The following TRARG1 variants were observed in gnomAD, a reference collection of about 807,000 sequenced individuals.
TRARG1 encodes the protein trafficking regulator of GLUT4 (SLC2A4) 1 (gene/pseudogene), also known as trafficking regulator of GLUT4 1.
TRARG1 carries 16 observed loss-of-function variants against 13.3 expected under a neutral mutation model. The ratio of observed to expected loss-of-function variants is 1.20; its 90% CI spans 0.81 to 1.83. TRARG1 has a LOEUF of 1.83. TRARG1 is among the 40% of genes most tolerant of loss of function. The pLI is 0.00. For missense variants in TRARG1, 250 were observed against 237.4 expected (o/e 1.05, Z -0.35); for synonymous variants, 113 against 106.2 (o/e 1.06, Z -0.39).
chr17:1,296,451 G>A (rs1251674119), intron 2 of TRARG1, among the ~76,000 whole-genome samples: 11 of 149,828 alleles, frequency 7.3e-5, no homozygotes, highest in South Asian at 2.1e-4. Context: ...CACCTTGGCC[G>A]CCTAAAATGC....
chr17:1,284,751 A>G (rs566063117), intron 1 of TRARG1, among the ~76,000 whole-genome samples: 67 of 150,390 alleles, frequency 4.5e-4, no homozygotes, highest in African/African-American at 1.6e-3. Flanking sequence ...CGCAATCTCA[A>G]CTCACTGCAA....
At chr17:1,286,600 T>A (rs1598190385) in intron 1 of TRARG1, among the ~76,000 whole-genome samples, 7 of 122,450 alleles carry the variant, frequency 5.7e-5, no homozygotes, top group African/African-American at 1.7e-4. Context: ...GCCTGTGGGG[T>A]GTTATTGGCC....
chr17:1,295,128 G>T (rs562885167), intron 1 of TRARG1, among the ~76,000 whole-genome samples: 52 of 152,204 alleles, frequency 3.4e-4, no homozygotes, highest in Non-Finnish European at 6.6e-4. Flanking sequence ...GGGTCCGGGG[G>T]CACCTGGCCT....
Position 1,280,084 on chromosome 17 carries a change from T to G in TRARG1, c.83T>G (p.Ile28Arg), listed in dbSNP as rs1395370433. 1 of 1,613,540 alleles carries G rather than the reference T, an allele frequency of 6.2e-7. No individual in the cohort carries two copies. The highest frequency in any genetic ancestry group is 2.2e-5 in the East Asian group (1 of 44,884). The change falls in exon 1 of 3, where the codon ATA becomes AGA. Residue 28 changes from isoleucine to arginine, a missense_variant. Coordinates refer to ENST00000333813, the MANE Select transcript of TRARG1 (RefSeq NM_172367.3). The stretch of plus-strand genomic sequence containing the variant: ...TTCCTGGACCTGCCGGAGATGGAGA[T>G]ACTCCTCACCAAGGCAGAGAACAAG... ...AAFLDLPEME[I>R]LLTKAENKDD...
rs145491266 is a variant in TRARG1 at position 1,297,852 on chromosome 17, G to A, written c.521-399G>A. On this transcript the variant is annotated intron_variant, in intron 2 of 2. Transcript: ENST00000333813. ...ACTCCTGACCTCAGGTGATCTGCCC[G>A]CCTCTGCCTCCCAAAGTGCTGGGAT... Among the ~76,000 whole-genome samples the A allele has an allele frequency of 5.5e-3, 838 of 152,190 alleles. 4 individuals are homozygous for A. The highest frequency in any genetic ancestry group is 6.1e-3 in the Non-Finnish European group (416 of 68,014).
chr17:1,288,772 C>T (rs1313424757), intron 1 of TRARG1, among the ~76,000 whole-genome samples: 14 of 51,666 alleles, frequency 2.7e-4, no homozygotes, highest in Non-Finnish European at 4.3e-4. Context: ...GGTTCCCCAT[C>T]CCCCACGGGC....
chr17:1,296,170 G>C (rs541541381), intron 2 of TRARG1, among the ~76,000 whole-genome samples: 2 of 152,310 alleles, frequency 1.3e-5, no homozygotes, highest in South Asian at 4.1e-4. Context: ...CATCCAACCA[G>C]GGGAAACATT....
At position 1,283,911 on chromosome 17, in the gene TRARG1, C is replaced by G. The variant is rs564207894; in HGVS notation, c.387+3523C>G. Among the ~76,000 whole-genome samples, 780 of 151,990 alleles carry G rather than the reference C, an allele frequency of 5.1e-3. 4 individuals are homozygous for G. Among genetic ancestry groups the G allele is most frequent in the African/African-American group, 0.017 (724 of 41,436 alleles). ...GCAGATCACGAGGTCAGGAGATTGA[C>G]ACCATCCTGGCTAACACGGTGAATC... On this transcript the variant is annotated intron_variant, in intron 1 of 2. Coordinates refer to ENST00000333813, the MANE Select transcript of TRARG1 (RefSeq NM_172367.3).
chr17:1,286,364 C>T (rs375475477), intron 1 of TRARG1, among the ~76,000 whole-genome samples: 12 of 140,558 alleles, frequency 8.5e-5, no homozygotes, highest in East Asian at 4.0e-4. Context: ...GTGTTGCTGT[C>T]GGCCTGTGAG....
Position 1,298,367 on chromosome 17 carries a change from T to A in TRARG1, c.*103T>A. 7.7e-7 allele frequency: 1 copy of A among 1,306,198 alleles called. No homozygotes were observed. The highest frequency in any genetic ancestry group is 1.3e-5 in the South Asian group (1 of 76,316). 80.9% of individuals were successfully genotyped at this position (1,306,198 alleles called of 1,614,324 possible). On this transcript the variant is annotated 3_prime_UTR_variant, in exon 3 of 3. Transcript: ENST00000333813. ...AGGGTGCTGACTGTCAAGCATCCCC[T>A]GTCCCCAAGTTCCAAAAGCACAGAC...
At chr17:1,281,065 A>G (rs1209579824) in intron 1 of TRARG1, among the ~76,000 whole-genome samples, 1 of 152,090 alleles carries the variant, frequency 6.6e-6, no homozygotes, top group Non-Finnish European at 1.5e-5. Flanking sequence ...AAAATGTGAG[A>G]GTCAGAGGGC....
rs1371195718 is a variant in TRARG1, at chr17:1,299,847, C to T, written c.*1583C>T. 1 of 152,956 alleles carries T rather than the reference C, an allele frequency of 6.5e-6. No homozygotes were observed. Among genetic ancestry groups the T allele is most frequent in the African/African-American group, 2.4e-5 (1 of 41,458 alleles). The allele number at this position is 152,956 out of a possible 1,614,324, so 9.5% of individuals were successfully genotyped here. A position where few individuals can be genotyped will look rare whatever the true frequency, so the allele number is the denominator to read the frequency against. On this transcript the variant is annotated 3_prime_UTR_variant, in exon 3 of 3. Transcript: ENST00000333813. ...CTCTCCAGGCCCTTGTTCGCCTCCCCACCCTCCTCAGAGGCCCGGGGAAGG... is the reference window on the plus strand; with the variant it reads ...CTCTCCAGGCCCTTGTTCGCCTCCCTACCCTCCTCAGAGGCCCGGGGAAGG...
chr17:1,287,564 G>T (rs1408053661), intron 1 of TRARG1, among the ~76,000 whole-genome samples: 1 of 151,830 alleles, frequency 6.6e-6, no homozygotes, highest in African/African-American at 2.4e-5. Flanking sequence ...GGGTTTCATT[G>T]TGTTACCAGG....
Position 1,280,145 on chromosome 17 carries a change from G to A in TRARG1, c.144G>A (p.Ser48=), listed in dbSNP as rs201880858. The A allele has an allele frequency of 1.5e-5, 24 of 1,613,834 alleles. 1 individual carries two copies. Among genetic ancestry groups the A allele is most frequent in the Middle Eastern group, 1.6e-4 (1 of 6,084 alleles). The change falls in exon 1 of 3, where the codon TCG becomes TCA. Residue 48 remains serine, a synonymous_variant. Coordinates refer to ENST00000333813, the MANE Select transcript of TRARG1 (RefSeq NM_172367.3). ...DKTLNLSKTL[S]GPLDLEQNSQ... Reference sequence around the variant, plus strand: ...CCCTGAATCTGTCCAAGACCCTCTCGGGGCCTCTGGATCTGGAGCAGAACA... The same window carrying A: ...CCCTGAATCTGTCCAAGACCCTCTCAGGGCCTCTGGATCTGGAGCAGAACA...
At chr17:1,280,443 G>A in intron 1 of TRARG1, 55 bp downstream of exon 1, 1 of 1,498,092 alleles carries the variant, frequency 6.7e-7, no homozygotes, top group Non-Finnish European at 8.9e-7. Context: ...GTCGGCAGGT[G>A]TTTCCCCCAG....
intron 1 of TRARG1, among the ~76,000 whole-genome samples, chr17:1,292,707 T>G (rs1431366873): frequency 6.6e-6 from 1 of 152,210 alleles, no homozygotes; most frequent in Non-Finnish European, 1.5e-5. Context: ...AACTCAAATG[T>G]CCTTCCTCCA....
intron 2 of TRARG1, among the ~76,000 whole-genome samples, chr17:1,297,660 A>C (rs1222372555): frequency 6.9e-6 from 1 of 144,374 alleles, no homozygotes; most frequent in Non-Finnish European, 1.5e-5. Flanking sequence ...CTAGAGTGCA[A>C]TGGCACAATC....
chr17:1,289,721 A>G (rs2072056975), intron 1 of TRARG1, among the ~76,000 whole-genome samples: 1 of 150,702 alleles, frequency 6.6e-6, no homozygotes, highest in Non-Finnish European at 1.5e-5. Context: ...TCCTCTTTCC[A>G]TCTGCCCCTG....
intron 1 of TRARG1, among the ~76,000 whole-genome samples, chr17:1,281,949 C>CACATACATGT (rs1555630729): frequency 2.6e-5 from 4 of 151,616 alleles, no homozygotes. Flanking sequence ...TACATATATG[C>CACATACATGT]ACATACATGT....
Sources: gnomAD v4.1 joint callset for allele counts (sites outside exome capture counted in the v4.1 genomes callset) on GRCh38, gnomAD v4.1.1 for gene constraint, MANE v1.5 for transcripts, NCBI Gene and HGNC (gene_info 2026-07-23, HGNC 2026-07-21) for gene names.